Variants in EXOSC4 observed in about 807,000 individuals in gnomAD.
EXOSC4 encodes the protein exosome complex component RRP41.
A neutral mutation model predicts 20.0 loss-of-function variants in EXOSC4; 14 were observed. That is an observed-to-expected ratio of 0.70 (90% CI 0.46 to 1.09). EXOSC4 has a LOEUF of 1.09. Among genes scored for constraint, EXOSC4 ranks in the 50% least tolerant of loss-of-function variants. The probability of loss-of-function intolerance (pLI) is 0.00; values close to 1 mark genes in which losing one functional copy is unlikely to be tolerated. For missense variants in EXOSC4, 337 were observed against 334.0 expected (o/e 1.01, Z -0.07); for synonymous variants, 148 against 146.4 (o/e 1.01, Z -0.08).
the EXOSC4 span, among the ~76,000 whole-genome samples, chr8:144,073,604 C>A: frequency 6.6e-6 from 1 of 151,768 alleles, no homozygotes; most frequent in Non-Finnish European, 1.5e-5. Flanking sequence ...TGTAATCCCA[C>A]CACTTTGGGA....
chr8:144,078,592 A>T, upstream of EXOSC4: 1 of 957,746 alleles, frequency 1.0e-6, no homozygotes. The surrounding 1 kb of genome is among the most constrained non-coding windows in gnomAD (Gnocchi z 4.7). Flanking sequence ...GGCCGCGGAG[A>T]GCTGTAGTTC....
the EXOSC4 span, among the ~76,000 whole-genome samples, chr8:144,068,875 A>G: frequency 6.6e-6 from 1 of 152,130 alleles, no homozygotes; most frequent in African/African-American, 2.4e-5. Flanking sequence ...GCCACAGCAC[A>G]GGGGTCTCAC....
rs1554763113 is a variant in EXOSC4, at chr8:144,078,915, G to A, written c.171+16G>A. Reference sequence around the variant, plus strand: ...CCCGCACGAGGCGAGTGGGCGCGCGGGATGGGGAATCGTGTGGCCGTGGGA... The same window carrying A: ...CCCGCACGAGGCGAGTGGGCGCGCGAGATGGGGAATCGTGTGGCCGTGGGA... On this transcript the variant is annotated intron_variant, in intron 1 of 2. Coordinates refer to ENST00000316052, the MANE Select transcript of EXOSC4 (RefSeq NM_019037.3). This position sits in a 1 kb window ranked among gnomAD's most constrained non-coding sequence, Gnocchi z 4.7. The A allele has an allele frequency of 2.1e-6, 3 of 1,459,884 alleles. No individual in the cohort carries two copies. The highest frequency in any genetic ancestry group is 2.7e-6 in the Non-Finnish European group (3 of 1,101,928). 90.4% of individuals were successfully genotyped at this position (1,459,884 alleles called of 1,614,324 possible).
upstream of EXOSC4, among the ~76,000 whole-genome samples, chr8:144,075,342 TCAGCCTCCCGAGTAGCTGGGACTA>T: frequency 6.6e-6 from 1 of 152,224 alleles, no homozygotes; most frequent in South Asian, 2.1e-4. Context: ...TTCTCCTGCC[TCAGCCTCCCGAGTAGCTGGGACTA>T]CAGGTGCCCG....
chr8:144,074,610 T>G (rs544333346), upstream of EXOSC4, among the ~76,000 whole-genome samples: 2 of 152,032 alleles, frequency 1.3e-5, no homozygotes, highest in South Asian at 4.1e-4. Flanking sequence ...GGCTCTGTGG[T>G]ATGGGCAGGA....
At chr8:144,067,913 G>A in the EXOSC4 span, among the ~76,000 whole-genome samples, 29 of 152,232 alleles carry the variant, frequency 1.9e-4, no homozygotes, top group Admixed American at 1.3e-3. Flanking sequence ...GGCTGAGGCC[G>A]GAGAATCGCT....
intron 1 of EXOSC4, 77 bp from the exon 2 acceptor site, chr8:144,079,866 G>C: frequency 7.2e-7 from 1 of 1,395,676 alleles, no homozygotes; most frequent in Non-Finnish European, 1.0e-6. Context: ...AAAGTGGAGG[G>C]AGAGGCAGAC....
At chr8:144,069,858 C>T in the EXOSC4 span, among the ~76,000 whole-genome samples, 4 of 152,346 alleles carry the variant, frequency 2.6e-5, no homozygotes, top group South Asian at 2.1e-4. Context: ...CAAGGGAGTG[C>T]CCCAAACTGT....
At chr8:144,064,956 G>A in the EXOSC4 span, among the ~76,000 whole-genome samples, 3 of 151,016 alleles carry the variant, frequency 2.0e-5, no homozygotes, top group African/African-American at 4.9e-5. Flanking sequence ...ATTCTCCTGC[G>A]TCAGCCTGCC....
the EXOSC4 span, among the ~76,000 whole-genome samples, chr8:144,070,722 G>T: frequency 2.0e-5 from 3 of 151,898 alleles, no homozygotes; most frequent in Non-Finnish European, 4.4e-5. Context: ...CAGCTATTCA[G>T]GAGGCTGAGG....
upstream of EXOSC4, among the ~76,000 whole-genome samples, chr8:144,076,386 C>G (rs1835835585): frequency 1.3e-5 from 2 of 152,130 alleles, no homozygotes; most frequent in Non-Finnish European, 2.9e-5. Context: ...TCTAGCAAAT[C>G]GGTTACTCTG....
the EXOSC4 span, among the ~76,000 whole-genome samples, chr8:144,067,938 G>A: frequency 6.6e-6 from 1 of 152,186 alleles, no homozygotes; most frequent in African/African-American, 2.4e-5. Flanking sequence ...CCCAAGAGGC[G>A]GAGGTTCAAC....
the EXOSC4 span, among the ~76,000 whole-genome samples, chr8:144,068,062 C>G: frequency 6.6e-6 from 1 of 152,216 alleles, no homozygotes; most frequent in South Asian, 2.1e-4. Flanking sequence ...TCTGCTGCAC[C>G]ATTTGACGCT....
Position 144,080,413 on chromosome 8 carries a change from C to T in EXOSC4, c.550C>T (p.Gln184Ter). 1 of 1,611,056 alleles carries T rather than the reference C, an allele frequency of 6.2e-7. No individual in the cohort carries two copies. The highest frequency in any genetic ancestry group is 1.1e-5 in the South Asian group (1 of 91,086). The change falls in exon 3 of 3, where the codon CAG (glutamine) becomes TAG (stop). Residue 184 changes from glutamine to a stop codon, truncating the protein, a stop_gained. Transcript: ENST00000316052. LOFTEE classifies it high-confidence loss of function. This position sits in a 1 kb window ranked among gnomAD's most constrained non-coding sequence, Gnocchi z 4.9. ...TGTGGAGGAAGCAGCTGGTGGCCCC[C>T]AGCTGGCCCTGGCCCTGCTGCCAGC... The part of the protein sequence containing the change: ...SHVEEAAGGP[Q>*]LALALLPASG...
At chr8:144,073,411 C>A in the EXOSC4 span, among the ~76,000 whole-genome samples, 1 of 152,018 alleles carries the variant, frequency 6.6e-6, no homozygotes, top group Non-Finnish European at 1.5e-5. Context: ...AGACCTCAGG[C>A]CCCTCCCACC....
At chr8:144,077,544 C>T (rs1835847363), upstream of EXOSC4, among the ~76,000 whole-genome samples, 1 of 152,126 alleles carries the variant, frequency 6.6e-6, no homozygotes, top group African/African-American at 2.4e-5. Context: ...TGCAGCAGAC[C>T]ACATTTCCCT....
At chr8:144,074,896 T>C (rs1365572570), upstream of EXOSC4, among the ~76,000 whole-genome samples, 2 of 152,204 alleles carry the variant, frequency 1.3e-5, no homozygotes, top group East Asian at 1.9e-4. Flanking sequence ...TTATGGCTCA[T>C]ATGTGGAAGA....
At chr8:144,068,956 G>A in the EXOSC4 span, among the ~76,000 whole-genome samples, 1 of 152,226 alleles carries the variant, frequency 6.6e-6, no homozygotes, top group South Asian at 2.1e-4. Context: ...GCGGTGGCAG[G>A]GCTGGCTGCT....
chr8:144,078,656 G>A, upstream of EXOSC4: 1 of 1,334,594 alleles, frequency 7.5e-7, no homozygotes, highest in Non-Finnish European at 9.7e-7. The surrounding 1 kb of genome is among the most constrained non-coding windows in gnomAD (Gnocchi z 4.7). Flanking sequence ...CCGGGCGGTC[G>A]GAGCCGCCGG....
Sources: gnomAD v4.1 joint callset for allele counts (sites outside exome capture counted in the v4.1 genomes callset) on GRCh38, gnomAD v4.1.1 for gene constraint, Gnocchi (gnomAD v3.1) non-coding constraint, MANE v1.5 for transcripts, NCBI Gene and HGNC (gene_info 2026-07-23, HGNC 2026-07-21) for gene names.